TNFAIP3: variants seen among roughly 807,000 people sequenced by gnomAD.
TNFAIP3 encodes tumor necrosis factor alpha-induced protein 3.
A neutral mutation model predicts 72.4 loss-of-function variants in TNFAIP3; 9 were observed. The ratio of observed to expected loss-of-function variants is 0.12; its 90% CI spans 0.07 to 0.22. The LOEUF (loss-of-function observed/expected upper bound fraction) is 0.22, where lower values mean the gene tolerates loss of function less well. Among genes scored for constraint, TNFAIP3 ranks in the 10% least tolerant of loss-of-function variants. TNFAIP3 has a pLI of 1.00. For missense variants in TNFAIP3, 833 were observed against 1,018.7 expected (o/e 0.82, Z 2.48); for synonymous variants, 339 against 372.6 (o/e 0.91, Z 1.04).
rs1776456980 is a variant in TNFAIP3 at position 137,881,359 on chromosome 6, T to C, written c.*40T>C. The C allele has an allele frequency of 6.6e-7, 1 of 1,513,358 alleles. No homozygotes were observed. 93.7% of individuals were successfully genotyped at this position (1,513,358 alleles called of 1,614,324 possible). On this transcript the variant is annotated 3_prime_UTR_variant, in exon 9 of 9. Coordinates refer to ENST00000612899, the MANE Select transcript of TNFAIP3 (RefSeq NM_001270508.2). This position sits in a 1 kb window ranked among gnomAD's most constrained non-coding sequence, Gnocchi z 5.0. ...GTCACCTCCTGCAAGAAGTGGGGCC[T>C]CGAGCTGTCAGTCATCATGGTGCTA...
rs561017984 is a variant in TNFAIP3 at position 137,877,360 on chromosome 6, C to T, written c.986+104C>T. 4.4e-4 allele frequency: 446 copies of T among 1,014,052 alleles called. 3 individuals carry two copies. In the African/African-American group the frequency reaches 6.1e-3, roughly 14 times the overall value. The allele number at this position is 1,014,052 out of a possible 1,614,324, so 62.8% of individuals were successfully genotyped here. ...TGAAGCTCAACAGTAGAGTGATTTG[C>T]GGCCAGTTTCTGCCAATGGGAAACA... On this transcript the variant is annotated intron_variant, in intron 6 of 8. Transcript: ENST00000612899.
intron 7 of TNFAIP3, 138 bp downstream of exon 7, chr6:137,879,489 C>A: frequency 1.9e-6 from 2 of 1,059,848 alleles, no homozygotes; most frequent in South Asian, 1.7e-5. Flanking sequence ...CCAGCTTGTG[C>A]AGGGGACAGT....
chr6:137,883,004 C>A lies in TNFAIP3; in HGVS notation c.*1685C>A. The A allele has an allele frequency of 4.5e-6, 1 of 222,606 alleles. No individual in the cohort carries two copies. The highest frequency in any genetic ancestry group is 9.0e-6 in the Non-Finnish European group (1 of 111,672). 13.8% of individuals were successfully genotyped at this position (222,606 alleles called of 1,614,324 possible). A position where few individuals can be genotyped will look rare whatever the true frequency, so the allele number is the denominator to read the frequency against. On this transcript the variant is annotated 3_prime_UTR_variant, in exon 9 of 9. Coordinates refer to ENST00000612899, the MANE Select transcript of TNFAIP3 (RefSeq NM_001270508.2). ...ACTCATACTATTAGGCACACTTTCCCCTTAGAGCCCCCTAAGTTTTTCCCA... is the reference window on the plus strand; with the variant it reads ...ACTCATACTATTAGGCACACTTTCCACTTAGAGCCCCCTAAGTTTTTCCCA...
intron 3 of TNFAIP3, among the ~76,000 whole-genome samples, chr6:137,875,487 G>A (rs1776216918): frequency 6.6e-6 from 1 of 151,990 alleles, no homozygotes. Context: ...CAACTTTTGA[G>A]TTTGCCTTGT....
Position 137,882,345 on chromosome 6 carries a change from GA to G in TNFAIP3, c.*1028del, listed in dbSNP as rs1776491316. 8.6e-6 allele frequency: 2 copies of G among 232,188 alleles called. No homozygotes were observed. Among genetic ancestry groups the G allele is most frequent in the African/African-American group, 4.4e-5 (2 of 45,254 alleles). The allele number at this position is 232,188 out of a possible 1,614,324, so 14.4% of individuals were successfully genotyped here. On this transcript the variant is annotated 3_prime_UTR_variant, in exon 9 of 9. Coordinates refer to ENST00000612899, the MANE Select transcript of TNFAIP3 (RefSeq NM_001270508.2). ...TTACAAACTTCAAGATTATTTAAGT[GA>G]AGATATTTCTTCAGCTCTGGGGAAA...
intron 6 of TNFAIP3, among the ~76,000 whole-genome samples, chr6:137,878,196 A>C (rs928544358): frequency 2.0e-5 from 3 of 152,250 alleles, no homozygotes; most frequent in African/African-American, 7.2e-5. Context: ...TTTTAAAAAT[A>C]AGGAAGTCTT....
chr6:137,874,971 G>T lies in TNFAIP3; in HGVS notation c.422G>T (p.Arg141Leu), dbSNP rs765554483. Reference protein sequence around the residue: ...KETDTRNFKFRWQLESLKSQE... With the variant: ...KETDTRNFKFLWQLESLKSQE... ...ACAGACACACGCAACTTTAAATTCC[G>T]CTGGCAACTGGAGTCTCTCAAATCT... Residue 141 changes from arginine (R) to leucine (L), a missense_variant, in exon 3 of 9, where the codon CGC (arginine) becomes CTC (leucine). Arg to Leu is a moderately radical substitution (Grantham distance 102). Coordinates refer to ENST00000612899, the MANE Select transcript of TNFAIP3 (RefSeq NM_001270508.2). The T allele has an allele frequency of 1.2e-6, 2 of 1,614,194 alleles. No individual in the cohort carries two copies. The highest frequency in any genetic ancestry group is 8.5e-7 in the Non-Finnish European group (1 of 1,180,040).
In TNFAIP3 at chr6:137,877,145, C is replaced by T. The variant is rs1178336615; in HGVS notation, c.875C>T (p.Thr292Ile). Residue 292 changes from threonine (T) to isoleucine (I), a missense_variant, in exon 6 of 9, where the codon ACA (threonine) becomes ATA (isoleucine). By Grantham distance (89) the Thr-to-Ile change is moderately conservative. Around this residue, in one of 2 missense-constraint regions of TNFAIP3, gnomAD observed 587 missense variants for 657.8 expected, o/e 0.89. Transcript: ENST00000612899. ...RFEDLKVHFL[T>I]DPENEMKEKL... Reference sequence around the variant, plus strand: ...GAAGACTTAAAAGTTCACTTTTTGACAGATCCTGAAAATGAGATGAAGGAG... The same window carrying T: ...GAAGACTTAAAAGTTCACTTTTTGATAGATCCTGAAAATGAGATGAAGGAG... 5.1e-5 allele frequency: 83 copies of T among 1,613,728 alleles called. No homozygotes were observed. Among genetic ancestry groups the T allele is most frequent in the Non-Finnish European group, 7.0e-5 (83 of 1,179,826 alleles).
Position 137,869,741 on chromosome 6 carries a change from T to C in TNFAIP3, c.-15-1472T>C, listed in dbSNP as rs111633543. Among the ~76,000 whole-genome samples the C allele has an allele frequency of 7.2e-5, 11 of 152,356 alleles. 1 individual carries two copies. Among genetic ancestry groups the C allele is most frequent in the African/African-American group, 2.6e-4 (11 of 41,572 alleles). ...GTAGCTACCCTAAAATCTAGGTTTC[T>C]TCTCCTCCCTCTTCCATAGGTTTAA... On this transcript the variant is annotated intron_variant, in intron 1 of 8. Transcript: ENST00000612899.
At position 137,877,237 on chromosome 6, in the gene TNFAIP3, C is replaced by T; in HGVS notation, c.967C>T (p.His323Tyr). ...PVQGWDHGTT[H>Y]LINAAKLDEA... ...CCAAGGCTGGGACCATGGCACAACT[C>T]ATCTCATCAATGCCGCAAAGTAAGC... The change falls in exon 6 of 9, where the codon CAT (histidine) becomes TAT (tyrosine). Residue 323 changes from histidine to tyrosine, a missense_variant. This residue lies in a region of TNFAIP3 where 587 missense variants were observed against 657.8 expected (regional missense o/e 0.89). Transcript: ENST00000612899. 1.2e-6 allele frequency: 2 copies of T among 1,610,922 alleles called. No individual in the cohort carries two copies. Among genetic ancestry groups the T allele is most frequent in the Non-Finnish European group, 1.7e-6 (2 of 1,178,718 alleles).
rs770145346 is a variant in TNFAIP3 at position 137,871,333 on chromosome 6, A to T, written c.106A>T (p.Ile36Phe). Reference sequence around the variant, plus strand: ...AGACATTTTTAAACCTACTAATGGGATCATTCATCATTTTAAAACCATGCA... The same window carrying T: ...AGACATTTTTAAACCTACTAATGGGTTCATTCATCATTTTAAAACCATGCA... ...PEDIFKPTNG[I>F]IHHFKTMHRY... The change falls in exon 2 of 9, where the codon ATC (isoleucine) becomes TTC (phenylalanine). Residue 36 changes from isoleucine (I) to phenylalanine (F), a missense_variant. By Grantham distance (21) the Ile-to-Phe change is conservative (BLOSUM62 0). Around this residue, in one of 2 missense-constraint regions of TNFAIP3, gnomAD observed 246 missense variants for 360.9 expected, o/e 0.68. Transcript: ENST00000612899. The surrounding 1 kb of genome is among the most constrained non-coding windows in gnomAD (Gnocchi z 4.2). The T allele has an allele frequency of 2.5e-6, 4 of 1,614,124 alleles. No individual in the cohort carries two copies. The South Asian group carries it at 4.4e-5, about 18-fold the overall frequency.
At position 137,877,056 on chromosome 6, in the gene TNFAIP3, T is replaced by C. The variant is rs777255289; in HGVS notation, c.806-20T>C. Reference sequence around the variant, plus strand: ...GTTTAGTAGAATACTGTTTTACTTATGTATTATTTTTTTCCTTAGAAATCC... The same window carrying C: ...GTTTAGTAGAATACTGTTTTACTTACGTATTATTTTTTTCCTTAGAAATCC... On this transcript the variant is annotated intron_variant, in intron 5 of 8. Coordinates refer to ENST00000612899, the MANE Select transcript of TNFAIP3 (RefSeq NM_001270508.2). 21 of 1,563,444 alleles carry C rather than the reference T, an allele frequency of 1.3e-5. No homozygotes were observed. Among genetic ancestry groups the C allele is most frequent in the Non-Finnish European group, 1.8e-5 (21 of 1,152,492 alleles).
Position 137,870,549 on chromosome 6 carries a change from G to A in TNFAIP3, c.-15-664G>A, listed in dbSNP as rs191150370. 7.6e-4 allele frequency among the ~76,000 whole-genome samples: 115 copies of A among 152,194 alleles called. 1 individual carries two copies. Among genetic ancestry groups the A allele is most frequent in the Non-Finnish European group, 1.0e-4 (7 of 68,012 alleles). ...CTTTTTTATTGATTAGAAAACATTC[G>A]GTTTTAACTCTTTATAAACATCAGA... On this transcript the variant is annotated intron_variant, in intron 1 of 8. Coordinates refer to ENST00000612899, the MANE Select transcript of TNFAIP3 (RefSeq NM_001270508.2).
At chr6:137,869,392 C>CGGATAGAT (rs1491493145) in intron 1 of TNFAIP3, among the ~76,000 whole-genome samples, 1 of 135,600 alleles carries the variant, frequency 7.4e-6, no homozygotes, top group Non-Finnish European at 1.6e-5. Flanking sequence ...GACGGACGGA[C>CGGATAGAT]GGACGGATAG....
At position 137,874,882 on chromosome 6, in the gene TNFAIP3, C is replaced by T. The variant is rs752194768; in HGVS notation, c.333C>T (p.Tyr111=). The T allele has an allele frequency of 3.1e-6, 5 of 1,614,190 alleles. No homozygotes were observed. The highest frequency in any genetic ancestry group is 1.6e-4 in the Middle Eastern group (1 of 6,062). ...GNCLMHATSQ[Y]MWGVQDTDLV... Reference sequence around the variant, plus strand: ...GCCTCATGCATGCCACTTCTCAGTACATGTGGGGCGTTCAGGACACAGACT... The same window carrying T: ...GCCTCATGCATGCCACTTCTCAGTATATGTGGGGCGTTCAGGACACAGACT... The change falls in exon 3 of 9, where the codon TAC becomes TAT. Residue 111 remains tyrosine (Y), a synonymous_variant. Transcript: ENST00000612899.
rs561335450 is a variant in TNFAIP3 at position 137,875,931 on chromosome 6, G to A, written c.635-65G>A. The A allele has an allele frequency of 1.0e-5, 16 of 1,598,754 alleles. No individual in the cohort carries two copies. In the South Asian group the frequency reaches 1.3e-4, roughly 13 times the overall value. On this transcript the variant is annotated intron_variant, in intron 4 of 8. Transcript: ENST00000612899. ...CCACACTGCCAAAGTTCAGGTAACA[G>A]AGTTCAATGGAATTTGATGAAAGTC...
rs1018119985 is a variant in TNFAIP3, at chr6:137,881,585, C to T, written c.*266C>T. ...CCAAGGTTCCTCCTCTCCTACCAAG[C>T]AGGAGGCCAGGAACTTCTTTGGACT... On this transcript the variant is annotated 3_prime_UTR_variant, in exon 9 of 9. Transcript: ENST00000612899. The surrounding 1 kb of genome is among the most constrained non-coding windows in gnomAD (Gnocchi z 5.0). The T allele has an allele frequency of 5.3e-5, 21 of 395,442 alleles. No homozygotes were observed. Among genetic ancestry groups the T allele is most frequent in the Non-Finnish European group, 8.1e-5 (18 of 222,860 alleles). The allele number at this position is 395,442 out of a possible 1,614,324, so 24.5% of individuals were successfully genotyped here. A position where few individuals can be genotyped will look rare whatever the true frequency, so the allele number is the denominator to read the frequency against.
Position 137,878,546 on chromosome 6 carries a change from G to A in TNFAIP3, c.1101G>A (p.Gly367=), listed in dbSNP as rs1260589779. Reference sequence around the variant, plus strand: ...ACAGCGAGCAGGGGAGGAGAGAGGGGCACGCCCAGAATCCCATGGAACCTT... The same window carrying A: ...ACAGCGAGCAGGGGAGGAGAGAGGGACACGCCCAGAATCCCATGGAACCTT... ...QENSEQGRRE[G]HAQNPMEPSV... is the part of the protein sequence containing the mutation. The change falls in exon 7 of 9, where the codon GGG becomes GGA. Residue 367 remains glycine, a synonymous_variant. Coordinates refer to ENST00000612899, the MANE Select transcript of TNFAIP3 (RefSeq NM_001270508.2). 7 of 1,614,180 alleles carry A rather than the reference G, an allele frequency of 4.3e-6. No homozygotes were observed. Among genetic ancestry groups the A allele is most frequent in the Middle Eastern group, 1.6e-4 (1 of 6,062 alleles).
rs2114496353 is a variant in TNFAIP3, at chr6:137,878,466, C to T, written c.1021C>T (p.Leu341=). The T allele has an allele frequency of 6.2e-7, 1 of 1,611,398 alleles. No homozygotes were observed. Among genetic ancestry groups the T allele is most frequent in the Non-Finnish European group, 8.5e-7 (1 of 1,177,662 alleles). Residue 341 remains leucine (L), a synonymous_variant, in exon 7 of 9, where the codon CTG becomes TTG. Transcript: ENST00000612899. ...AGCTAACTTACCAAAAGAAATCAAT[C>T]TGGTAGATGATTACTTTGAACTTGT... is the stretch of plus-strand genomic sequence containing the variant. ...DEANLPKEIN[L]VDDYFELVQH... is the part of the protein sequence containing the mutation.
Sources: allele counts gnomAD v4.1 joint callset (sites outside exome capture counted in the v4.1 genomes callset), GRCh38; gene constraint gnomAD v4.1.1; regional missense constraint gnomAD v4.1.1; non-coding constraint Gnocchi (gnomAD v3.1); transcripts MANE v1.5; gene names NCBI Gene and HGNC (gene_info 2026-07-23, HGNC 2026-07-21).